Variants in PHACTR3 observed in about 807,000 individuals in gnomAD.
PHACTR3 encodes the protein protein phosphatase 1, regulatory subunit 123.
Under a neutral mutation model 66.8 loss-of-function variants are expected in PHACTR3, and 16 were observed. That is an observed-to-expected ratio of 0.24 (90% CI 0.16 to 0.36). The LOEUF (loss-of-function observed/expected upper bound fraction) is 0.36, where lower values mean the gene tolerates loss of function less well. PHACTR3 is among the 10% of genes least tolerant of loss of function. PHACTR3 has a pLI of 1.00. For synonymous variants in PHACTR3, 323 were observed against 292.1 expected (o/e 1.11, Z -1.08); for missense variants, 647 against 719.9 (o/e 0.90, Z 1.16).
At chr20:59,772,254 G>A (rs951451749) in intron 5 of PHACTR3, among the ~76,000 whole-genome samples, 12 of 152,216 alleles carry the variant, frequency 7.9e-5, no homozygotes, top group African/African-American at 2.7e-4. Context: ...AGGAGGGGGT[G>A]TCCCACTCAT....
At chr20:59,600,448 G>A (rs2033444315), upstream of PHACTR3, among the ~76,000 whole-genome samples, 2 of 152,168 alleles carry the variant, frequency 1.3e-5, no homozygotes, top group Non-Finnish European at 2.9e-5. Flanking sequence ...GCATCCATTG[G>A]TCTGTACCTG....
intron 1 of PHACTR3, among the ~76,000 whole-genome samples, chr20:59,581,126 TG>T (rs34169680): frequency 0.13 from 20,086 of 152,288 alleles, 1,397 homozygotes; most frequent in South Asian, 0.18. Context: ...ACATGGGTAC[TG>T]GGGGTCACAA....
intron 1 of PHACTR3, among the ~76,000 whole-genome samples, chr20:59,724,552 G>C (rs150928221): frequency 1.3e-5 from 2 of 152,142 alleles, no homozygotes; most frequent in Non-Finnish European, 2.9e-5. Context: ...ACCCTCAGGC[G>C]TGCGTGGCCG....
chr20:59,823,383 G>A (rs990031533), intron 8 of PHACTR3, among the ~76,000 whole-genome samples: 6 of 152,164 alleles, frequency 3.9e-5, no homozygotes, highest in African/African-American at 4.8e-5. Flanking sequence ...CTCGGCATCA[G>A]TCTCTGGAGG....
At chr20:59,679,046 T>A (rs887568120) in intron 1 of PHACTR3, among the ~76,000 whole-genome samples, 1 of 152,148 alleles carries the variant, frequency 6.6e-6, no homozygotes, top group African/African-American at 2.4e-5. Context: ...GAATCACAGA[T>A]GGAGATCACG....
intron 7 of PHACTR3, among the ~76,000 whole-genome samples, chr20:59,779,608 CCT>C (rs2040654580): frequency 6.6e-6 from 1 of 152,122 alleles, no homozygotes; most frequent in Non-Finnish European, 1.5e-5. Flanking sequence ...ATTTATTCTC[CCT>C]CTCTCCCTCT....
intron 8 of PHACTR3, among the ~76,000 whole-genome samples, chr20:59,824,129 T>C (rs1445448845): frequency 6.6e-6 from 1 of 152,218 alleles, no homozygotes; most frequent in Non-Finnish European, 1.5e-5. Context: ...ACACTCTCCT[T>C]GACTTAAAGT....
At chr20:59,775,860 C>T (rs550365702) in intron 7 of PHACTR3, among the ~76,000 whole-genome samples, 4 of 152,320 alleles carry the variant, frequency 2.6e-5, no homozygotes, top group East Asian at 3.9e-4. Context: ...TCAGCCTCAG[C>T]GCTGGTGGCA....
At chr20:59,611,212 G>C (rs147699057) in intron 1 of PHACTR3, among the ~76,000 whole-genome samples, 1,564 of 152,366 alleles carry the variant, frequency 0.01, 29 homozygotes, top group African/African-American at 0.035. Flanking sequence ...TTCAGAATGA[G>C]TGAGGATAAC....
chr20:59,623,162 A>G (rs1226036837), intron 1 of PHACTR3, among the ~76,000 whole-genome samples: 1 of 151,896 alleles, frequency 6.6e-6, no homozygotes, highest in Non-Finnish European at 1.5e-5. Context: ...GGCTTTTTAA[A>G]ACTGGAAAAG....
At chr20:59,783,453 T>C (rs891766697) in intron 7 of PHACTR3, among the ~76,000 whole-genome samples, 93 of 151,888 alleles carry the variant, frequency 6.1e-4, no homozygotes, top group African/African-American at 2.1e-3. Flanking sequence ...GCCCTTTTTT[T>C]TGTTTGAGCT....
chr20:59,747,413 G>T (rs1454594649), intron 2 of PHACTR3, among the ~76,000 whole-genome samples: 1 of 152,256 alleles, frequency 6.6e-6, no homozygotes, highest in Non-Finnish European at 1.5e-5. Flanking sequence ...ACTTTCCTTG[G>T]TTGGTAATTT....
At chr20:59,818,703 C>G (rs73129372) in intron 8 of PHACTR3, among the ~76,000 whole-genome samples, 2,324 of 152,308 alleles carry the variant, frequency 0.015, 27 homozygotes, top group Middle Eastern at 0.024. Context: ...CTAAACATGA[C>G]CAGTTATTGG....
At chr20:59,661,913 C>T (rs2035819626) in intron 1 of PHACTR3, among the ~76,000 whole-genome samples, 1 of 152,100 alleles carries the variant, frequency 6.6e-6, no homozygotes, top group Admixed American at 6.5e-5. Context: ...GGGCTGCTTG[C>T]TGCGGCTCCT....
intron 1 of PHACTR3, among the ~76,000 whole-genome samples, chr20:59,640,230 AC>A (rs1325297679): frequency 8.5e-5 from 13 of 152,218 alleles, no homozygotes; most frequent in African/African-American, 3.1e-4. Flanking sequence ...TGCTTAGCTC[AC>A]CACATGGACT....
intron 9 of PHACTR3, 60 bp downstream of exon 9, chr20:59,836,620 A>T: frequency 6.5e-7 from 1 of 1,540,568 alleles, no homozygotes; most frequent in South Asian, 1.2e-5. Context: ...CTGTTGCACA[A>T]ATCCTGAGTT....
At chr20:59,768,805 A>T (rs1445208576) in intron 5 of PHACTR3, among the ~76,000 whole-genome samples, 1 of 152,214 alleles carries the variant, frequency 6.6e-6, no homozygotes, top group Non-Finnish European at 1.5e-5. Flanking sequence ...TACACCTAAC[A>T]CGAATTAAGT....
At chr20:59,605,622 G>A (rs748223657) in intron 1 of PHACTR3, among the ~76,000 whole-genome samples, 3 of 152,210 alleles carry the variant, frequency 2.0e-5, no homozygotes, top group Non-Finnish European at 4.4e-5. Context: ...GGGGCCTGGC[G>A]CACCTGGGCG....
At chr20:59,684,227 T>C (rs2036772931) in intron 1 of PHACTR3, among the ~76,000 whole-genome samples, 2 of 152,156 alleles carry the variant, frequency 1.3e-5, no homozygotes, top group South Asian at 2.1e-4. Flanking sequence ...CTGAATAATA[T>C]CTTTCTTTGG....
Sources: gnomAD v4.1 joint callset for allele counts (sites outside exome capture counted in the v4.1 genomes callset) on GRCh38, gnomAD v4.1.1 for gene constraint, MANE v1.5 for transcripts, NCBI Gene and HGNC (gene_info 2026-07-23, HGNC 2026-07-21) for gene names.